CTNNA1: variants seen among roughly 807,000 people sequenced by gnomAD.
CTNNA1 encodes the protein catenin alpha 1, also known as catenin alpha-1.
Under a neutral mutation model 98.4 loss-of-function variants are expected in CTNNA1, and 37 were observed. The ratio of observed to expected loss-of-function variants is 0.38; its 90% confidence interval spans 0.29 to 0.49. The LOEUF (loss-of-function observed/expected upper bound fraction) is 0.49, where lower values mean the gene tolerates loss of function less well. Among genes scored for constraint, CTNNA1 ranks in the 20% least tolerant of loss-of-function variants. The pLI, the probability that CTNNA1 is intolerant of heterozygous loss-of-function variation, is 0.95. For synonymous variants in CTNNA1, 404 were observed against 413.2 expected, an observed-to-expected ratio of 0.98 and a Z score of 0.27; for missense variants, 761 against 1,147.2, an observed-to-expected ratio of 0.66 and a Z score of 4.86.
chr5:138,804,637 T>G (rs1459726817), intron 3 of CTNNA1, among the ~76,000 whole-genome samples: 1 of 152,270 alleles, frequency 6.6e-6, no homozygotes, highest in Non-Finnish European at 1.5e-5. Context: ...TCATTTTTTC[T>G]TACGGCTAAA....
At chr5:138,766,906 A>T (rs1159529542) in intron 1 of CTNNA1, among the ~76,000 whole-genome samples, 1 of 152,146 alleles carries the variant, frequency 6.6e-6, no homozygotes, top group African/African-American at 2.4e-5. Flanking sequence ...TTTAGGGGGC[A>T]GAGGGAAGGG....
At chr5:138,754,912 C>G (rs1751459804) in intron 1 of CTNNA1, 1 of 151,934 alleles carries the variant, frequency 6.6e-6, no homozygotes, top group Admixed American at 6.6e-5. Flanking sequence ...CACGCGCCAC[C>G]ACATCCGTCT....
chr5:138,929,864 T>C (rs1279896562), intron 14 of CTNNA1, among the ~76,000 whole-genome samples: 1 of 152,172 alleles, frequency 6.6e-6, no homozygotes, highest in Admixed American at 6.5e-5. Flanking sequence ...TTGATTTCAC[T>C]CCTTGGAAAT....
intron 3 of CTNNA1, among the ~76,000 whole-genome samples, chr5:138,807,145 G>T (rs1232506859): frequency 6.6e-6 from 1 of 151,510 alleles, no homozygotes; most frequent in Non-Finnish European, 1.5e-5. Flanking sequence ...CGAGTAACTG[G>T]GATTACAGGC....
chr5:138,852,871 G>GCGCACACACACACGCGTGTGCGCA (rs869240008), intron 7 of CTNNA1, among the ~76,000 whole-genome samples: 1 of 151,240 alleles, frequency 6.6e-6, no homozygotes, highest in Non-Finnish European at 1.5e-5. Flanking sequence ...GCGCGCGCGC[G>GCGCACACACACACGCGTGTGCGCA]CACACACACA....
intron 13 of CTNNA1, among the ~76,000 whole-genome samples, chr5:138,926,297 T>C (rs547867998): frequency 1.3e-5 from 2 of 152,328 alleles, no homozygotes; most frequent in East Asian, 1.9e-4. Flanking sequence ...GAGTCCATAG[T>C]TGAATATACT....
chr5:138,779,840 T>C (rs2149643577), intron 1 of CTNNA1, among the ~76,000 whole-genome samples: 1 of 151,778 alleles, frequency 6.6e-6, no homozygotes, highest in African/African-American at 2.4e-5. Context: ...CTCAGCCTCC[T>C]GAGCAGCTGG....
At chr5:138,926,881 C>T (rs1382065355) in intron 13 of CTNNA1, among the ~76,000 whole-genome samples, 1 of 152,212 alleles carries the variant, frequency 6.6e-6, no homozygotes, top group African/African-American at 2.4e-5. Flanking sequence ...AGTTCCACAC[C>T]TGTCTGCGCA....
intron 4 of CTNNA1, among the ~76,000 whole-genome samples, chr5:138,810,569 G>A (rs999102889): frequency 5.9e-5 from 9 of 152,254 alleles, no homozygotes; most frequent in Admixed American, 5.2e-4. Flanking sequence ...TTAACCCTGA[G>A]TGGACACAGC....
chr5:138,795,877 T>TA (rs1756916340), intron 3 of CTNNA1, among the ~76,000 whole-genome samples: 1 of 152,204 alleles, frequency 6.6e-6, no homozygotes, highest in Admixed American at 6.5e-5. Flanking sequence ...AATGAAAACT[T>TA]ACAATTTTGT....
At chr5:138,825,482 G>GGTTTTTTTTTTTTTTT (rs1760578153) in intron 6 of CTNNA1, among the ~76,000 whole-genome samples, 13 of 74,112 alleles carry the variant, frequency 1.8e-4, no homozygotes, top group African/African-American at 7.5e-4. Context: ...AGCAGTATAA[G>GGTTTTTTTTTTTTTTT]TTTTTTTTTT....
chr5:138,861,578 C>T (rs1445606797), intron 7 of CTNNA1, among the ~76,000 whole-genome samples: 1 of 152,136 alleles, frequency 6.6e-6, no homozygotes, highest in Non-Finnish European at 1.5e-5. Flanking sequence ...TTCACATTCC[C>T]CACTCCCAAT....
intron 11 of CTNNA1, among the ~76,000 whole-genome samples, chr5:138,922,523 A>G (rs933949911): frequency 6.6e-6 from 1 of 152,168 alleles, no homozygotes; most frequent in African/African-American, 2.4e-5. Context: ...ATGTGTATGA[A>G]TTTTTTTCTA....
At chr5:138,829,078 C>T (rs1194650079) in intron 7 of CTNNA1, among the ~76,000 whole-genome samples, 2 of 152,036 alleles carry the variant, frequency 1.3e-5, no homozygotes, top group South Asian at 2.1e-4. Flanking sequence ...ACCATGGTCG[C>T]GCCACTGTGC....
rs72788854 is a variant in CTNNA1, at chr5:138,832,554, A to G, written c.1062+4836A>G. 2.7e-3 allele frequency among the ~76,000 whole-genome samples: 418 copies of G among 152,352 alleles called. 5 individuals carry two copies. Among genetic ancestry groups the G allele is most frequent in the Non-Finnish European group, 3.0e-3 (206 of 68,036 alleles). ...ATGGATTGAAATTAAAATGAAATGT[A>G]ATTAAATTTGAAAAAGTTATTACCA... is the stretch of plus-strand genomic sequence containing the variant. On this transcript the variant is annotated intron_variant, in intron 7 of 17. Coordinates refer to ENST00000302763, the MANE Select transcript of CTNNA1 (RefSeq NM_001903.5).
chr5:138,810,354 C>T, intron 4 of CTNNA1, 150 bp downstream of exon 4: 2 of 777,294 alleles, frequency 2.6e-6, no homozygotes, highest in East Asian at 2.7e-5. Flanking sequence ...TTTCCACTTA[C>T]TCCTCTATTC....
intron 5 of CTNNA1, among the ~76,000 whole-genome samples, chr5:138,820,066 T>A (rs573957904): frequency 1.5e-5 from 2 of 134,596 alleles, no homozygotes; most frequent in Non-Finnish European, 3.2e-5. Context: ...ATGCTTCCTG[T>A]ACAGCCTGCA....
intron 1 of CTNNA1, among the ~76,000 whole-genome samples, chr5:138,755,653 C>T (rs1046355104): frequency 1.3e-5 from 2 of 152,090 alleles, no homozygotes; most frequent in African/African-American, 4.8e-5. Context: ...GCCTTATGTG[C>T]TAAAAGTCCA....
At chr5:138,850,042 T>C (rs910833056) in intron 7 of CTNNA1, among the ~76,000 whole-genome samples, 1 of 152,192 alleles carries the variant, frequency 6.6e-6, no homozygotes, top group Non-Finnish European at 1.5e-5. Context: ...TTTTGACTTA[T>C]ATGGAAAGTT....
Sources: gnomAD v4.1 joint callset for allele counts (sites outside exome capture counted in the v4.1 genomes callset) on GRCh38, gnomAD v4.1.1 for gene constraint, MANE v1.5 for transcripts, NCBI Gene and HGNC (gene_info 2026-07-23, HGNC 2026-07-21) for gene names.